The following KCNIP4 variants were observed in gnomAD, a reference collection of about 807,000 sequenced individuals.
The protein encoded by KCNIP4 is Kv channel-interacting protein 4.
KCNIP4 carries 12 observed loss-of-function variants against 34.0 expected under a neutral mutation model. The observed-to-expected ratio is 0.35, with a 90% CI of 0.23 to 0.57. The LOEUF is 0.57. KCNIP4 is among the 20% of genes least tolerant of loss of function. The pLI is 0.83. For synonymous variants in KCNIP4, 124 were observed against 102.2 expected (o/e 1.21, Z -1.29); for missense variants, 238 against 311.7 (o/e 0.76, Z 1.78).
intron 1 of KCNIP4, among the ~76,000 whole-genome samples, chr4:21,793,826 C>T (rs1168209821): frequency 6.6e-6 from 1 of 152,116 alleles, no homozygotes; most frequent in Non-Finnish European, 1.5e-5. Flanking sequence ...CATAAAGACA[C>T]ATGCACACGT....
intron 1 of KCNIP4, among the ~76,000 whole-genome samples, chr4:21,655,962 C>T (rs966291457): frequency 5.9e-5 from 9 of 152,190 alleles, no homozygotes; most frequent in Non-Finnish European, 1.3e-4. Context: ...AGGAGCTAAG[C>T]TGCATGTCTT....
chr4:21,330,764 G>A (rs932888589), intron 1 of KCNIP4, among the ~76,000 whole-genome samples: 2 of 152,138 alleles, frequency 1.3e-5, no homozygotes, highest in African/African-American at 4.8e-5. Context: ...TCAAGTGAAT[G>A]ATTACCTCTT....
chr4:21,773,890 CA>C (rs1318893646), intron 1 of KCNIP4, among the ~76,000 whole-genome samples: 2 of 151,800 alleles, frequency 1.3e-5, no homozygotes, highest in African/African-American at 4.8e-5. Context: ...TGACTCTATC[CA>C]ATTTGCCAGT....
chr4:21,761,602 T>C (rs1438695618), intron 1 of KCNIP4, among the ~76,000 whole-genome samples: 1 of 148,520 alleles, frequency 6.7e-6, no homozygotes, highest in Non-Finnish European at 1.5e-5. Context: ...CAATATATAA[T>C]ATTAACATAA....
intron 1 of KCNIP4, among the ~76,000 whole-genome samples, chr4:20,996,580 C>T (rs776398632): frequency 2.6e-5 from 4 of 152,152 alleles, no homozygotes; most frequent in African/African-American, 7.2e-5. Flanking sequence ...TAGACTGTCT[C>T]CTTATTCTTT....
intron 1 of KCNIP4, among the ~76,000 whole-genome samples, chr4:21,330,756 A>C (rs762788621): frequency 2.6e-5 from 4 of 152,138 alleles, no homozygotes; most frequent in Admixed American, 6.6e-5. Context: ...CTCTTACCTC[A>C]AGTGAATGAT....
chr4:20,924,254 C>T (rs1729684695), intron 1 of KCNIP4, among the ~76,000 whole-genome samples: 1 of 152,148 alleles, frequency 6.6e-6, no homozygotes. Context: ...TAGGCCATTG[C>T]TTCAGTGTGA....
chr4:21,918,370 AAAACTG>A (rs1251894236), intron 1 of KCNIP4, among the ~76,000 whole-genome samples: 2 of 152,202 alleles, frequency 1.3e-5, no homozygotes, highest in Non-Finnish European at 2.9e-5. Context: ...AACAGGAGGT[AAAACTG>A]ATAAGATTGG....
intron 1 of KCNIP4, among the ~76,000 whole-genome samples, chr4:20,934,844 A>G (rs1439848362): frequency 6.6e-6 from 1 of 152,214 alleles, no homozygotes; most frequent in Non-Finnish European, 1.5e-5. Context: ...ACTGCAATTT[A>G]TTCTCTCACA....
At chr4:21,433,998 G>T (rs1245417236) in intron 1 of KCNIP4, among the ~76,000 whole-genome samples, 1 of 152,088 alleles carries the variant, frequency 6.6e-6, no homozygotes, top group African/African-American at 2.4e-5. Flanking sequence ...TTTATAATCG[G>T]TATTTTCTGG....
In KCNIP4 at chr4:21,562,335, T is replaced by A. The variant is rs113346508; in HGVS notation, c.61+386236A>T. Among the ~76,000 whole-genome samples the A allele has an allele frequency of 5.3e-5, 8 of 152,140 alleles. 1 individual carries two copies. Among genetic ancestry groups the A allele is most frequent in the African/African-American group, 1.9e-4 (8 of 41,558 alleles). On this transcript the variant is annotated intron_variant, in intron 1 of 8. Transcript: ENST00000382152. ...ATGCTTAGAGTTTAAGTGACTATCA[T>A]CAACATTTAATTTACCGAGGTGGAT...
chr4:21,648,209 A>T (rs1747186561), intron 1 of KCNIP4, among the ~76,000 whole-genome samples: 2 of 152,040 alleles, frequency 1.3e-5, no homozygotes, highest in Non-Finnish European at 2.9e-5. Flanking sequence ...GAATACACTG[A>T]TGTCCTTCAT....
intron 1 of KCNIP4, among the ~76,000 whole-genome samples, chr4:21,630,035 TTGA>T (rs1560575902): frequency 7.5e-6 from 1 of 134,044 alleles, no homozygotes. Context: ...TTTTTTTTTT[TTGA>T]CTTTTTGTAG....
chr4:20,874,436 C>T (rs547082912), intron 2 of KCNIP4, among the ~76,000 whole-genome samples: 102 of 152,198 alleles, frequency 6.7e-4, no homozygotes, highest in Non-Finnish European at 1.3e-3. Flanking sequence ...TGAGTGTTCC[C>T]CTGTGCCTGG....
intron 4 of KCNIP4, among the ~76,000 whole-genome samples, chr4:20,751,411 G>T (rs568390715): frequency 6.6e-6 from 1 of 152,148 alleles, no homozygotes; most frequent in Non-Finnish European, 1.5e-5. Context: ...TCAAGAATTG[G>T]CAGCCTATTT....
intron 1 of KCNIP4, among the ~76,000 whole-genome samples, chr4:21,397,930 G>A (rs75357178): frequency 0.018 from 2,771 of 152,180 alleles, 62 homozygotes; most frequent in East Asian, 0.049. Flanking sequence ...AGAAAATCTC[G>A]TCAGCTCTTA....
chr4:21,231,044 A>T (rs1225578791), intron 1 of KCNIP4, among the ~76,000 whole-genome samples: 1 of 152,114 alleles, frequency 6.6e-6, no homozygotes. Flanking sequence ...ATTTCTGGGA[A>T]TTTGTTACAG....
intron 1 of KCNIP4, among the ~76,000 whole-genome samples, chr4:21,540,013 A>G (rs1455874451): frequency 6.6e-6 from 1 of 151,862 alleles, no homozygotes; most frequent in Non-Finnish European, 1.5e-5. Context: ...AAAAAAAAAA[A>G]AGAATTATTT....
rs1734674473 is a variant in KCNIP4, at chr4:21,515,454, C to T, written c.61+433117G>A. Among the ~76,000 whole-genome samples, 3 of 151,880 alleles carry T rather than the reference C, an allele frequency of 2.0e-5. No individual in the cohort carries two copies. The South Asian group carries it at 6.2e-4, about 32-fold the overall frequency. ...GAAATCGAGACCATCCTGGTTAACA[C>T]GGCGAAACCCCGTCTCTACTAAAAA... On this transcript the variant is annotated intron_variant, in intron 1 of 8. Coordinates refer to ENST00000382152, the MANE Select transcript of KCNIP4 (RefSeq NM_025221.6).
Sources: allele counts gnomAD v4.1 joint callset (sites outside exome capture counted in the v4.1 genomes callset), GRCh38; gene constraint gnomAD v4.1.1; transcripts MANE v1.5; gene names NCBI Gene and HGNC (gene_info 2026-07-23, HGNC 2026-07-21).